STK32B: variants seen among roughly 807,000 people sequenced by gnomAD.
STK32B encodes the protein serine/threonine kinase 32B, also known as serine/threonine-protein kinase 32B.
Under a neutral mutation model 52.6 loss-of-function variants are expected in STK32B, and 43 were observed. The observed-to-expected ratio is 0.82, with a 90% CI of 0.64 to 1.05. The LOEUF (loss-of-function observed/expected upper bound fraction) is 1.05, where lower values mean the gene tolerates loss of function less well. Ranked by LOEUF, STK32B falls within the 50% of genes least tolerant of loss-of-function variation. The pLI, the probability that STK32B is intolerant of heterozygous loss-of-function variation, is 0.00. For missense variants in STK32B, 621 were observed against 534.6 expected (o/e 1.16, Z -1.59); for synonymous variants, 238 against 204.3 (o/e 1.17, Z -1.41).
chr4:5,492,555 A>G (rs1452307680), intron 11 of STK32B, among the ~76,000 whole-genome samples: 1 of 151,256 alleles, frequency 6.6e-6, no homozygotes, highest in Non-Finnish European at 1.5e-5. Flanking sequence ...TTCCTAATTG[A>G]ATACCCTTTA....
intron 1 of STK32B, among the ~76,000 whole-genome samples, chr4:5,085,161 A>G (rs1712656658): frequency 6.6e-6 from 1 of 152,004 alleles, no homozygotes; most frequent in Non-Finnish European, 1.5e-5. Flanking sequence ...TAAATTTCTG[A>G]CTCTGGAAAT....
At position 5,335,576 on chromosome 4, in the gene STK32B, G is replaced by A. The variant is rs147630073; in HGVS notation, c.434+4183G>A. ...GTTCTTTAAATTGTGATGTTAGGGT[G>A]TCAATTTTGGATCTTTCCTGCTTTC... is the stretch of plus-strand genomic sequence containing the variant. On this transcript the variant is annotated intron_variant, in intron 4 of 11. Transcript: ENST00000282908. Among the ~76,000 whole-genome samples the A allele has an allele frequency of 8.8e-3, 1,339 of 152,100 alleles. 28 individuals carry two copies. The highest frequency in any genetic ancestry group is 0.03 in the African/African-American group (1,233 of 41,460).
intron 1 of STK32B, among the ~76,000 whole-genome samples, chr4:5,110,311 C>T (rs1464388896): frequency 1.3e-5 from 2 of 148,184 alleles, no homozygotes; most frequent in South Asian, 2.1e-4. Context: ...CCAAAGCACT[C>T]CTGAGCAAAA....
chr4:5,500,168 T>C lies in STK32B; in HGVS notation c.*1085T>C, dbSNP rs934183472. ...GATGTTGGGATGAGCAGGGAAAGCT[T>C]AGACTTTGGAGTCAGGTTTGTGTTC... is the stretch of plus-strand genomic sequence containing the variant. On this transcript the variant is annotated 3_prime_UTR_variant, in exon 12 of 12. Coordinates refer to ENST00000282908, the MANE Select transcript of STK32B (RefSeq NM_018401.3). 3 of 152,230 alleles carry C rather than the reference T, an allele frequency of 2.0e-5. No individual in the cohort carries two copies. The highest frequency in any genetic ancestry group is 7.2e-5 in the African/African-American group (3 of 41,452). The allele number at this position is 152,230 out of a possible 1,614,324, so 9.4% of individuals were successfully genotyped here. A position where few individuals can be genotyped will look rare whatever the true frequency, so the allele number is the denominator to read the frequency against.
chr4:5,405,238 C>T (rs1023104573), intron 5 of STK32B, among the ~76,000 whole-genome samples: 2 of 151,880 alleles, frequency 1.3e-5, no homozygotes, highest in Admixed American at 1.3e-4. Context: ...ATCCCCAACC[C>T]TGCCTGTGTG....
intron 9 of STK32B, among the ~76,000 whole-genome samples, chr4:5,465,651 G>A (rs938165508): frequency 6.6e-6 from 1 of 152,180 alleles, no homozygotes; most frequent in Non-Finnish European, 1.5e-5. Flanking sequence ...AACAAACTCT[G>A]AGCCTGCCAT....
chr4:5,318,099 G>T (rs1235944354), intron 3 of STK32B, among the ~76,000 whole-genome samples: 1 of 147,294 alleles, frequency 6.8e-6, no homozygotes, highest in Non-Finnish European at 1.5e-5. Flanking sequence ...GTGTGCTTGT[G>T]CACGTGTGTG....
the STK32B span, among the ~76,000 whole-genome samples, chr4:5,038,334 C>A: frequency 6.6e-6 from 1 of 152,172 alleles, no homozygotes; most frequent in South Asian, 2.1e-4. Flanking sequence ...GCTGATGAAC[C>A]AAAGGAATCC....
chr4:5,283,892 C>CA (rs201644927), intron 3 of STK32B, among the ~76,000 whole-genome samples: 179 of 150,136 alleles, frequency 1.2e-3, no homozygotes, highest in Non-Finnish European at 1.5e-3. Flanking sequence ...AAAAACAAAC[C>CA]AAAAAAAATG....
chr4:5,393,005 TC>T (rs199695194), intron 4 of STK32B, among the ~76,000 whole-genome samples: 1,843 of 152,308 alleles, frequency 0.012, 23 homozygotes, highest in South Asian at 0.057. Flanking sequence ...TGTTGTCATT[TC>T]TTAATTGTCA....
chr4:5,183,643 G>A (rs1480766029), intron 3 of STK32B, among the ~76,000 whole-genome samples: 4 of 152,010 alleles, frequency 2.6e-5, no homozygotes, highest in South Asian at 2.1e-4. Flanking sequence ...TATTAAGTTC[G>A]CCTCCTTATT....
At chr4:5,231,400 C>T (rs151224827) in intron 3 of STK32B, among the ~76,000 whole-genome samples, 3,308 of 152,184 alleles carry the variant, frequency 0.022, 118 homozygotes, top group African/African-American at 0.074. Context: ...CGCTTGAGGC[C>T]AGGAGTTCGA....
the STK32B span, among the ~76,000 whole-genome samples, chr4:5,037,310 C>T: frequency 3.3e-5 from 5 of 152,212 alleles, no homozygotes; most frequent in African/African-American, 1.2e-4. Flanking sequence ...AACAAATCAG[C>T]ACCCATTCAT....
intron 6 of STK32B, among the ~76,000 whole-genome samples, 180 bp from the exon 7 acceptor site, chr4:5,446,493 G>C (rs374469637): frequency 1.5e-3 from 220 of 151,168 alleles, no homozygotes; most frequent in African/African-American, 4.6e-3. Flanking sequence ...TTGAACTAAG[G>C]CACAGAGGAG....
rs974067100 is a variant in STK32B at position 5,413,200 on chromosome 4, G to A, written c.473-3645G>A. ...ATATTATCCCCTTCTTACAGTTGAG[G>A]AATCTGAGGCTTTCAGAGCTTAAAT... On this transcript the variant is annotated intron_variant, in intron 5 of 11. Coordinates refer to ENST00000282908, the MANE Select transcript of STK32B (RefSeq NM_018401.3). Among the ~76,000 whole-genome samples, 3 of 152,164 alleles carry A rather than the reference G, an allele frequency of 2.0e-5. No homozygotes were observed. In the South Asian group the frequency reaches 6.2e-4, roughly 31 times the overall value.
chr4:5,387,839 G>C (rs187379492), intron 4 of STK32B, among the ~76,000 whole-genome samples: 3 of 152,302 alleles, frequency 2.0e-5, no homozygotes, highest in Admixed American at 1.3e-4. Context: ...CCGCCTCCTG[G>C]GTTCAAGTGA....
intron 4 of STK32B, among the ~76,000 whole-genome samples, chr4:5,384,222 C>T (rs1032980484): frequency 1.3e-5 from 2 of 152,044 alleles, no homozygotes; most frequent in South Asian, 2.1e-4. Context: ...GGAGAAGTCC[C>T]GAGAAGGGTG....
At chr4:5,019,427 G>A in the STK32B span, 1 of 1,480,236 alleles carries the variant, frequency 6.8e-7, no homozygotes, top group Non-Finnish European at 8.9e-7. Context: ...AGCACGGGCA[G>A]AGGCCCAGGC....
rs116077307 is a variant in STK32B, at chr4:5,129,879, T to C, written c.53-10026T>C. Among the ~76,000 whole-genome samples, 8 of 152,302 alleles carry C rather than the reference T, an allele frequency of 5.3e-5. No individual in the cohort carries two copies. In the East Asian group the frequency reaches 1.5e-3, roughly 29 times the overall value. On this transcript the variant is annotated intron_variant, in intron 1 of 11. Transcript: ENST00000282908. ...AATATTTATTCATTCACTTGTTCTT[T>C]CTTTTTTTATTCAGTAAATATTTAT... is the stretch of plus-strand genomic sequence containing the variant.
Sources: allele counts gnomAD v4.1 joint callset (sites outside exome capture counted in the v4.1 genomes callset), GRCh38; gene constraint gnomAD v4.1.1; transcripts MANE v1.5; gene names NCBI Gene and HGNC (gene_info 2026-07-23, HGNC 2026-07-21).